SHANK2: variants seen among roughly 807,000 people sequenced by gnomAD.
The protein encoded by SHANK2 is SH3 and multiple ankyrin repeat domains 2.
Under a neutral mutation model 133.7 loss-of-function variants are expected in SHANK2, and 43 were observed. The ratio of observed to expected loss-of-function variants is 0.32; its 90% CI spans 0.25 to 0.41. The LOEUF (loss-of-function observed/expected upper bound fraction) is 0.41, where lower values mean the gene tolerates loss of function less well. SHANK2 is among the 10% of genes least tolerant of loss of function. SHANK2 has a pLI of 1.00. For synonymous variants in SHANK2, 1,017 were observed against 952.8 expected, an observed-to-expected ratio of 1.07 and a Z score of -1.24; for missense variants, 1,994 against 2,235.8, an observed-to-expected ratio of 0.89 and a Z score of 2.18.
At chr11:71,243,330 G>C (rs1229228455) in intron 1 of SHANK2, among the ~76,000 whole-genome samples, 2 of 152,160 alleles carry the variant, frequency 1.3e-5, no homozygotes, top group Non-Finnish European at 2.9e-5. Flanking sequence ...AAATGATCAA[G>C]AAAAGAAGGG....
chr11:70,550,485 CTT>C (rs2059750633), intron 17 of SHANK2, among the ~76,000 whole-genome samples: 1 of 152,186 alleles, frequency 6.6e-6, no homozygotes, highest in African/African-American at 2.4e-5. Context: ...ATACCAGGGT[CTT>C]TCTATTCAAG....
chr11:70,935,843 G>A (rs1244463632), intron 10 of SHANK2, among the ~76,000 whole-genome samples: 10 of 152,106 alleles, frequency 6.6e-5, no homozygotes, highest in African/African-American at 1.7e-4. Flanking sequence ...TGAGTTCCTC[G>A]TCATGTGAGC....
chr11:70,705,193 G>C (rs1262144254), intron 14 of SHANK2: 1 of 152,128 alleles, frequency 6.6e-6, no homozygotes, highest in Admixed American at 6.5e-5. Context: ...GAAGCAGTGG[G>C]AATGGAGAAG....
intron 10 of SHANK2, among the ~76,000 whole-genome samples, chr11:70,941,855 T>C (rs946387534): frequency 4.0e-5 from 6 of 150,452 alleles, no homozygotes; most frequent in Admixed American, 2.7e-4. Flanking sequence ...AATAATATAA[T>C]ATATAATAAT....
intron 14 of SHANK2, among the ~76,000 whole-genome samples, chr11:70,703,758 C>T (rs996691287): frequency 2.0e-5 from 3 of 152,210 alleles, no homozygotes; most frequent in South Asian, 2.1e-4. Flanking sequence ...TGCCGGGGCC[C>T]GAGGTCAATT....
At chr11:70,536,426 C>T (rs2059545073) in intron 17 of SHANK2, among the ~76,000 whole-genome samples, 1 of 152,200 alleles carries the variant, frequency 6.6e-6, no homozygotes, top group Non-Finnish European at 1.5e-5. Flanking sequence ...TGTGGCTGTG[C>T]ACCCCAGGGC....
chr11:70,658,201 C>T (rs1234811763), intron 17 of SHANK2, among the ~76,000 whole-genome samples: 1 of 128,580 alleles, frequency 7.8e-6, no homozygotes, highest in Admixed American at 7.9e-5. Context: ...CAAGGCCACG[C>T]CCCCCCAACA....
At chr11:70,576,181 G>T (rs570246333) in intron 17 of SHANK2, among the ~76,000 whole-genome samples, 1 of 152,276 alleles carries the variant, frequency 6.6e-6, no homozygotes, top group East Asian at 1.9e-4. Context: ...GCCCTTTGTT[G>T]TCACAGGTGC....
intron 14 of SHANK2, among the ~76,000 whole-genome samples, chr11:70,794,472 C>T (rs1201269540): frequency 6.6e-6 from 1 of 152,154 alleles, no homozygotes; most frequent in Non-Finnish European, 1.5e-5. Flanking sequence ...CAGAACCACA[C>T]TTGCTTCCGG....
At chr11:71,206,863 G>A (rs944176120) in intron 2 of SHANK2, among the ~76,000 whole-genome samples, 1 of 152,018 alleles carries the variant, frequency 6.6e-6, no homozygotes, top group Non-Finnish European at 1.5e-5. Flanking sequence ...CTTGCTTGAG[G>A]CCAGGAGTTT....
intron 14 of SHANK2, among the ~76,000 whole-genome samples, chr11:70,761,578 C>A (rs1456600429): frequency 6.6e-6 from 1 of 152,222 alleles, no homozygotes; most frequent in Non-Finnish European, 1.5e-5. Flanking sequence ...CACCAGTGTT[C>A]CCCTCACATT....
intron 17 of SHANK2, among the ~76,000 whole-genome samples, chr11:70,510,964 T>C (rs1234239411): frequency 1.3e-5 from 2 of 152,228 alleles, no homozygotes; most frequent in Non-Finnish European, 2.9e-5. Context: ...TGGTCTTAAG[T>C]TCTCATCCTA....
chr11:71,191,863 ATTTT>A (rs1445824827), intron 2 of SHANK2, among the ~76,000 whole-genome samples: 1 of 143,732 alleles, frequency 7.0e-6, no homozygotes, highest in Admixed American at 7.1e-5. Context: ...CCTTAACTTT[ATTTT>A]TTATTTTTTT....
chr11:71,119,057 G>A, intron 3 of SHANK2, 25 bp from the exon 4 acceptor site: 1 of 1,548,866 alleles, frequency 6.5e-7, no homozygotes, highest in South Asian at 1.2e-5. Flanking sequence ...AAAGACAGCT[G>A]ATGAGTGACA....
chr11:71,086,467 TAATA>T (rs1268927261), intron 8 of SHANK2, among the ~76,000 whole-genome samples: 3 of 136,748 alleles, frequency 2.2e-5, no homozygotes, highest in Non-Finnish European at 3.0e-5. Context: ...TATAATTATG[TAATA>T]TATAATTTGT....
intron 17 of SHANK2, among the ~76,000 whole-genome samples, chr11:70,587,702 T>TTC (rs1554987166): frequency 6.8e-6 from 1 of 148,060 alleles, no homozygotes; most frequent in Non-Finnish European, 1.5e-5. Flanking sequence ...CGTCCAGTTT[T>TTC]TTTTTTTTTT....
chr11:70,694,707 G>A (rs1555021843), intron 15 of SHANK2, among the ~76,000 whole-genome samples: 1 of 152,194 alleles, frequency 6.6e-6, no homozygotes, highest in Non-Finnish European at 1.5e-5. Context: ...TGGAGAAGCT[G>A]GCAGTCAGCC....
intron 10 of SHANK2, among the ~76,000 whole-genome samples, chr11:70,906,585 C>T (rs902123478): frequency 2.6e-5 from 4 of 152,154 alleles, no homozygotes; most frequent in South Asian, 2.1e-4. Context: ...GACACCCCCT[C>T]GCCATAACTG....
chr11:70,725,094 T>G (rs1371789136), intron 14 of SHANK2, among the ~76,000 whole-genome samples: 14 of 152,190 alleles, frequency 9.2e-5, no homozygotes, highest in African/African-American at 3.4e-4. Context: ...CAAAGCTTGA[T>G]TCTTTGGGGG....
Sources: allele counts gnomAD v4.1 joint callset (sites outside exome capture counted in the v4.1 genomes callset), GRCh38; gene constraint gnomAD v4.1.1; transcripts MANE v1.5; gene names NCBI Gene and HGNC (gene_info 2026-07-23, HGNC 2026-07-21).